TRAK2: variants seen among roughly 807,000 people sequenced by gnomAD.
TRAK2 encodes the protein trafficking kinesin-binding protein 2.
TRAK2 carries 81 observed loss-of-function variants against 104.6 expected under a neutral mutation model. The observed-to-expected ratio is 0.77, with a 90% CI of 0.65 to 0.93. The LOEUF (loss-of-function observed/expected upper bound fraction) is 0.93. Ranked by LOEUF, TRAK2 falls within the 40% of genes least tolerant of loss-of-function variation. The pLI, the probability that TRAK2 is intolerant of heterozygous loss-of-function variation, is 0.00. For synonymous variants in TRAK2, 406 were observed against 394.4 expected (o/e 1.03, Z -0.35); for missense variants, 1,002 against 1,089.0 (o/e 0.92, Z 1.12).
chr2:201,446,102 T>C (rs1951962236), intron 1 of TRAK2, among the ~76,000 whole-genome samples: 2 of 152,154 alleles, frequency 1.3e-5, no homozygotes, highest in Admixed American at 1.3e-4. Flanking sequence ...ATGCCTCAAT[T>C]ACTCAGGCTT....
At chr2:201,403,288 T>C (rs1050705082) in intron 3 of TRAK2, among the ~76,000 whole-genome samples, 4 of 152,170 alleles carry the variant, frequency 2.6e-5, no homozygotes, top group African/African-American at 9.7e-5. Flanking sequence ...TCTCACTTTC[T>C]TGTATGAGGA....
At chr2:201,410,996 A>G (rs1951641210) in intron 2 of TRAK2, 1 of 1,459,812 alleles carries the variant, frequency 6.9e-7, no homozygotes, top group African/African-American at 1.4e-5. Flanking sequence ...CTGAAGTCTG[A>G]AAGCCCATAT....
chr2:201,391,979 A>G (rs1260479020), intron 10 of TRAK2, among the ~76,000 whole-genome samples: 2 of 152,214 alleles, frequency 1.3e-5, no homozygotes, highest in African/African-American at 4.8e-5. Flanking sequence ...AATACTGCAT[A>G]AACATCAACT....
At chr2:201,424,593 CG>C (rs2125656220) in intron 1 of TRAK2, among the ~76,000 whole-genome samples, 1 of 150,940 alleles carries the variant, frequency 6.6e-6, no homozygotes, top group African/African-American at 2.4e-5. Context: ...TTTTTTTGTT[CG>C]TTTGTTTTTG....
At chr2:201,427,788 A>G (rs764425633) in intron 1 of TRAK2, among the ~76,000 whole-genome samples, 13 of 152,218 alleles carry the variant, frequency 8.5e-5, no homozygotes, top group Non-Finnish European at 1.8e-4. Flanking sequence ...GCTCCCACCA[A>G]CAGTGTAAAA....
intron 1 of TRAK2, among the ~76,000 whole-genome samples, chr2:201,445,027 G>A (rs1019084493): frequency 1.7e-4 from 26 of 151,994 alleles, no homozygotes; most frequent in African/African-American, 6.0e-4. Context: ...TCAAAGTTTG[G>A]CAAACACTGA....
At chr2:201,442,551 G>A (rs1170668600) in intron 1 of TRAK2, among the ~76,000 whole-genome samples, 1 of 152,188 alleles carries the variant, frequency 6.6e-6, no homozygotes, top group Non-Finnish European at 1.5e-5. Context: ...ACAACACCAT[G>A]TGGAATAGGG....
At chr2:201,413,448 G>T in intron 2 of TRAK2, 8 of 396,850 alleles carry the variant, frequency 2.0e-5, no homozygotes, top group African/African-American at 2.1e-5. Context: ...GAGGGAAAGG[G>T]ATAGGGAGGG....
intron 10 of TRAK2, among the ~76,000 whole-genome samples, chr2:201,390,507 T>A (rs1024647464): frequency 8.6e-5 from 12 of 140,230 alleles, no homozygotes; most frequent in African/African-American, 2.9e-4. Context: ...GAGCTTTCAG[T>A]GAGCTGAGAT....
chr2:201,407,794 G>A (rs1200890253), intron 2 of TRAK2, among the ~76,000 whole-genome samples, 197 bp from the exon 3 acceptor site: 1 of 151,322 alleles, frequency 6.6e-6, no homozygotes, highest in Non-Finnish European at 1.5e-5. Context: ...CTTTTAGTAA[G>A]AGAACTTCTA....
intron 7 of TRAK2, among the ~76,000 whole-genome samples, chr2:201,396,674 C>A (rs1262545570): frequency 6.6e-6 from 1 of 152,100 alleles, no homozygotes; most frequent in Non-Finnish European, 1.5e-5. Flanking sequence ...TACCTGAACA[C>A]AAGTACTGCA....
chr2:201,384,982 G>C (rs1164505197), intron 14 of TRAK2, among the ~76,000 whole-genome samples: 2 of 152,206 alleles, frequency 1.3e-5, no homozygotes, highest in African/African-American at 4.8e-5. Flanking sequence ...AGAACTAACA[G>C]ACAAACTATA....
chr2:201,427,191 TTTA>T (rs1252801348), intron 1 of TRAK2, among the ~76,000 whole-genome samples: 5 of 152,146 alleles, frequency 3.3e-5, no homozygotes, highest in Non-Finnish European at 5.9e-5. Flanking sequence ...ATATTTCTTT[TTTA>T]TTAAGTTCTA....
rs1951972400 is a variant in TRAK2 at position 201,447,351 on chromosome 2, T to G, written c.-200+3999A>C. ...TTTTTGTATGTCAACTTCTATCACCTAACCACAGCTTAAAGCCTTTTTGTA... is the reference window on the plus strand; with the variant it reads ...TTTTTGTATGTCAACTTCTATCACCGAACCACAGCTTAAAGCCTTTTTGTA... On this transcript the variant is annotated intron_variant, in intron 1 of 15. Coordinates refer to ENST00000332624, the MANE Select transcript of TRAK2 (RefSeq NM_015049.3). This position sits in a 1 kb window ranked among gnomAD's most constrained non-coding sequence, Gnocchi z 4.1. 6.6e-6 allele frequency among the ~76,000 whole-genome samples: 1 copy of G among 152,224 alleles called. No homozygotes were observed. The highest frequency in any genetic ancestry group is 2.1e-4 in the South Asian group (1 of 4,826).
At chr2:201,417,241 C>CAAAAAAAAAAAAAAAAAAAAAAAAAAAA (rs61702415) in intron 2 of TRAK2, among the ~76,000 whole-genome samples, 10 of 88,410 alleles carry the variant, frequency 1.1e-4, no homozygotes, top group Non-Finnish European at 1.5e-4. Flanking sequence ...GAAGACATTG[C>CAAAAAAAAAAAAAAAAAAAAAAAAAAAA]AAAAAAAAAA....
Position 201,380,438 on chromosome 2 carries a change from T to C in TRAK2, c.*105A>G, listed in dbSNP as rs1951328260. On this transcript the variant is annotated 3_prime_UTR_variant, in exon 16 of 16. Coordinates refer to ENST00000332624, the MANE Select transcript of TRAK2 (RefSeq NM_015049.3). The stretch of plus-strand genomic sequence containing the variant: ...ATTCCCCCTTTCACATTCACAACCC[T>C]TGTGCAACATTCCTTTTCTCTCAAG... The C allele has an allele frequency of 8.4e-7, 1 of 1,183,950 alleles. No homozygotes were observed. Among genetic ancestry groups the C allele is most frequent in the African/African-American group, 1.5e-5 (1 of 65,232 alleles). The allele number at this position is 1,183,950 out of a possible 1,614,324, so 73.3% of individuals were successfully genotyped here. A position where few individuals can be genotyped will look rare whatever the true frequency, so the allele number is the denominator to read the frequency against.
chr2:201,391,710 T>C (rs1424668609), intron 10 of TRAK2, among the ~76,000 whole-genome samples: 1 of 152,168 alleles, frequency 6.6e-6, no homozygotes, highest in Non-Finnish European at 1.5e-5. Flanking sequence ...CCACCTGCAA[T>C]GGGCTAAACA....
Position 201,381,140 on chromosome 2 carries a change from G to C in TRAK2, c.2148C>G (p.Ser716=). 6.2e-7 allele frequency: 1 copy of C among 1,613,850 alleles called. No individual in the cohort carries two copies. Among genetic ancestry groups the C allele is most frequent in the East Asian group, 2.2e-5 (1 of 44,868 alleles). ...TGGACTCACCAATGCTGAGTCTATA[G>C]GACAAGGCAGGAGAATTCACAGCCG... ...SNTAVNSPAL[S]YRLSIGESIT... Residue 716 remains serine, a synonymous_variant, in exon 16 of 16, where the codon TCC becomes TCG. Transcript: ENST00000332624.
chr2:201,393,938 G>C (rs1019388609), intron 9 of TRAK2, among the ~76,000 whole-genome samples: 1 of 152,148 alleles, frequency 6.6e-6, no homozygotes, highest in Admixed American at 6.5e-5. Flanking sequence ...TTGTAGAGAC[G>C]AAGGTTTCCT....
Sources: gnomAD v4.1 joint callset for allele counts (sites outside exome capture counted in the v4.1 genomes callset) on GRCh38, gnomAD v4.1.1 for gene constraint, Gnocchi (gnomAD v3.1) non-coding constraint, MANE v1.5 for transcripts, NCBI Gene and HGNC (gene_info 2026-07-23, HGNC 2026-07-21) for gene names.